The following CACNA2D3 variants were observed in gnomAD, a reference collection of about 807,000 sequenced individuals.
CACNA2D3 encodes the protein voltage-dependent calcium channel subunit alpha-2/delta-3.
A neutral mutation model predicts 160.6 loss-of-function variants in CACNA2D3; 60 were observed. That is an observed-to-expected ratio of 0.37 (90% CI 0.30 to 0.46). The LOEUF is 0.46. Among genes scored for constraint, CACNA2D3 ranks in the 20% least tolerant of loss-of-function variants. The pLI is 1.00. For missense variants in CACNA2D3, 1,205 were observed against 1,365.0 expected (o/e 0.88, Z 1.85); for synonymous variants, 558 against 492.9 (o/e 1.13, Z -1.75).
chr3:54,129,128 CA>C (rs1213604585), intron 2 of CACNA2D3, among the ~76,000 whole-genome samples: 1 of 151,774 alleles, frequency 6.6e-6, no homozygotes, highest in African/African-American at 2.4e-5. Flanking sequence ...TAGTGACCAA[CA>C]GACTCTGTCT....
chr3:54,511,563 A>T (rs879637716), intron 5 of CACNA2D3, among the ~76,000 whole-genome samples: 5 of 152,174 alleles, frequency 3.3e-5, no homozygotes, highest in African/African-American at 4.8e-5. Flanking sequence ...TACCTAATGA[A>T]GTAATTACTT....
intron 2 of CACNA2D3, among the ~76,000 whole-genome samples, chr3:54,231,054 G>A (rs573813527): frequency 1.3e-5 from 2 of 152,136 alleles, no homozygotes; most frequent in East Asian, 1.9e-4. Context: ...ACAGGCTGTG[G>A]TTTACAAAAA....
chr3:55,020,192 A>G (rs957237427), intron 35 of CACNA2D3, among the ~76,000 whole-genome samples: 6 of 151,404 alleles, frequency 4.0e-5, no homozygotes, highest in Middle Eastern at 3.4e-3. Flanking sequence ...AAATATATAT[A>G]TACATATAAA....
chr3:54,966,076 C>T (rs923778906), intron 27 of CACNA2D3, among the ~76,000 whole-genome samples: 11 of 151,954 alleles, frequency 7.2e-5, no homozygotes, highest in African/African-American at 1.7e-4. Flanking sequence ...AAACACCCAG[C>T]GGGGAGCAGC....
At chr3:54,291,151 A>G (rs963958916) in intron 2 of CACNA2D3, among the ~76,000 whole-genome samples, 1 of 152,206 alleles carries the variant, frequency 6.6e-6, no homozygotes, top group Non-Finnish European at 1.5e-5. Flanking sequence ...GCTTTTAACT[A>G]GCCTGTGGGT....
intron 2 of CACNA2D3, among the ~76,000 whole-genome samples, chr3:54,188,939 G>A (rs772742106): frequency 8.5e-5 from 13 of 152,144 alleles, no homozygotes; most frequent in African/African-American, 1.4e-4. Context: ...AATGGATTTG[G>A]CCTTTGACTG....
In CACNA2D3 at chr3:54,862,545, T is replaced by G. The variant is rs113050822; in HGVS notation, c.1627-8994T>G. Among the ~76,000 whole-genome samples, 1,478 of 152,294 alleles carry G rather than the reference T, an allele frequency of 9.7e-3. 33 individuals are homozygous for G. The highest frequency in any genetic ancestry group is 0.033 in the African/African-American group (1,390 of 41,550). Reference sequence around the variant, plus strand: ...CTCTTGCCTGCATCCCTTTATTAACTTCACTTGCAAATTCATTGCCAGCTT... The same window carrying G: ...CTCTTGCCTGCATCCCTTTATTAACGTCACTTGCAAATTCATTGCCAGCTT... On this transcript the variant is annotated intron_variant, in intron 17 of 37. Coordinates refer to ENST00000474759, the MANE Select transcript of CACNA2D3 (RefSeq NM_018398.3).
chr3:54,743,119 A>G (rs1701686748), intron 11 of CACNA2D3, among the ~76,000 whole-genome samples: 1 of 152,230 alleles, frequency 6.6e-6, no homozygotes, highest in Non-Finnish European at 1.5e-5. Flanking sequence ...CAAATTTGTG[A>G]AAAGGATAGA....
chr3:54,680,964 T>C (rs981316699), intron 11 of CACNA2D3, among the ~76,000 whole-genome samples: 1 of 152,178 alleles, frequency 6.6e-6, no homozygotes, highest in African/African-American at 2.4e-5. Context: ...GACACCTTTC[T>C]TAAGCCATGG....
At chr3:54,486,007 G>A (rs1014521099) in intron 4 of CACNA2D3, among the ~76,000 whole-genome samples, 1 of 152,114 alleles carries the variant, frequency 6.6e-6, no homozygotes, top group African/African-American at 2.4e-5. Context: ...TAAGATTTGG[G>A]AATTGCACGA....
At chr3:54,647,635 G>C (rs1311979391) in intron 11 of CACNA2D3, among the ~76,000 whole-genome samples, 1 of 152,182 alleles carries the variant, frequency 6.6e-6, no homozygotes, top group African/African-American at 2.4e-5. Context: ...GAAGGAAGTT[G>C]GGGAACAGAC....
At chr3:54,292,681 G>T (rs1460641294) in intron 2 of CACNA2D3, among the ~76,000 whole-genome samples, 2 of 152,226 alleles carry the variant, frequency 1.3e-5, no homozygotes, top group Non-Finnish European at 2.9e-5. Flanking sequence ...GATACTAAGT[G>T]TTGGCAAGGA....
intron 11 of CACNA2D3, among the ~76,000 whole-genome samples, chr3:54,650,133 G>A (rs1054323321): frequency 2.6e-5 from 4 of 152,074 alleles, no homozygotes; most frequent in Admixed American, 1.3e-4. Flanking sequence ...TTTCCTCAGT[G>A]AGCTAATTTT....
chr3:54,507,588 T>C (rs556140516), intron 5 of CACNA2D3, among the ~76,000 whole-genome samples: 2 of 152,288 alleles, frequency 1.3e-5, no homozygotes, highest in South Asian at 4.1e-4. Context: ...CTGTGGTGTT[T>C]TCATGGTTCT....
chr3:54,511,189 C>A (rs1559501130), intron 5 of CACNA2D3, among the ~76,000 whole-genome samples: 1 of 152,222 alleles, frequency 6.6e-6, no homozygotes, highest in Non-Finnish European at 1.5e-5. Flanking sequence ...CATGTCTTTC[C>A]CTCTGGCCCT....
In CACNA2D3 at chr3:54,752,089, G is replaced by T. The variant is rs41277451; in HGVS notation, c.1168-510G>T. Among the ~76,000 whole-genome samples the T allele has an allele frequency of 8.8e-3, 1,341 of 152,294 alleles. 9 individuals are homozygous for T. Among genetic ancestry groups the T allele is most frequent in the Non-Finnish European group, 0.012 (847 of 68,030 alleles). On this transcript the variant is annotated intron_variant, in intron 11 of 37. Coordinates refer to ENST00000474759, the MANE Select transcript of CACNA2D3 (RefSeq NM_018398.3). ...CATAGATCTCCTGGCCACAGGCTGT[G>T]TCTCTCATCCCAGTTAATTATCTTC...
chr3:54,920,876 T>G (rs1408037606), intron 27 of CACNA2D3, among the ~76,000 whole-genome samples: 2 of 152,128 alleles, frequency 1.3e-5, no homozygotes, highest in African/African-American at 4.8e-5. Flanking sequence ...TTCCAGACTT[T>G]CTGTTGTTCG....
chr3:54,381,930 T>A lies in CACNA2D3; in HGVS notation c.322-4785T>A, dbSNP rs1447981774. Among the ~76,000 whole-genome samples the A allele has an allele frequency of 3.3e-5, 5 of 152,176 alleles. No homozygotes were observed. In the East Asian group the frequency reaches 9.6e-4, roughly 29 times the overall value. On this transcript the variant is annotated intron_variant, in intron 3 of 37. Coordinates refer to ENST00000474759, the MANE Select transcript of CACNA2D3 (RefSeq NM_018398.3). ...GAATTACAACCTTTTAGCTTATAGG[T>A]GCTTTTTTCCAAGTCGAGCATGTGT... is the stretch of plus-strand genomic sequence containing the variant.
rs1424278263 is a variant in CACNA2D3, at chr3:54,899,906, A to G, written c.2449+38A>G. Reference sequence around the variant, plus strand: ...TTGAATCCATGAAGACAAAGTAAGCATGGCGCCCATTCATCCGGCCAGTGG... The same window carrying G: ...TTGAATCCATGAAGACAAAGTAAGCGTGGCGCCCATTCATCCGGCCAGTGG... On this transcript the variant is annotated intron_variant, in intron 27 of 37. Transcript: ENST00000474759. 5 of 1,448,608 alleles carry G rather than the reference A, an allele frequency of 3.5e-6. No individual in the cohort carries two copies. In the African/African-American group the frequency reaches 4.2e-5, roughly 12 times the overall value. 89.7% of individuals were successfully genotyped at this position (1,448,608 alleles called of 1,614,324 possible).
Sources: allele counts gnomAD v4.1 joint callset (sites outside exome capture counted in the v4.1 genomes callset), GRCh38; gene constraint gnomAD v4.1.1; transcripts MANE v1.5; gene names NCBI Gene and HGNC (gene_info 2026-07-23, HGNC 2026-07-21).